DPP10: variants seen among roughly 807,000 people sequenced by gnomAD.
DPP10 encodes inactive dipeptidyl peptidase 10.
A neutral mutation model predicts 120.9 loss-of-function variants in DPP10; 33 were observed. That is an observed-to-expected ratio of 0.27 (90% CI 0.21 to 0.37). The LOEUF (loss-of-function observed/expected upper bound fraction) is 0.37, where lower values mean the gene tolerates loss of function less well. Among genes scored for constraint, DPP10 ranks in the 10% least tolerant of loss-of-function variants. DPP10 has a pLI of 1.00. For synonymous variants in DPP10, 337 were observed against 326.1 expected, an observed-to-expected ratio of 1.03 and a Z score of -0.36; for missense variants, 816 against 942.8, an observed-to-expected ratio of 0.87 and a Z score of 1.76.
At chr2:114,729,994 A>G (rs1676736117) in intron 1 of DPP10, among the ~76,000 whole-genome samples, 1 of 152,232 alleles carries the variant, frequency 6.6e-6, no homozygotes, top group Non-Finnish European at 1.5e-5. Context: ...ATCTTCAGAA[A>G]AATAACTTGT....
intron 7 of DPP10, among the ~76,000 whole-genome samples, chr2:115,707,625 A>G (rs2092170856): frequency 6.6e-6 from 1 of 151,902 alleles, no homozygotes. Context: ...TAATTTTAAA[A>G]ACAAAATAGA....
intron 1 of DPP10, among the ~76,000 whole-genome samples, chr2:115,155,064 T>TTA (rs200866777): frequency 0.025 from 3,673 of 148,918 alleles, 48 homozygotes; most frequent in African/African-American, 0.034. Context: ...GCTAATTTTA[T>TTA]TTATTTTTTT....
intron 1 of DPP10, among the ~76,000 whole-genome samples, chr2:115,302,902 G>A (rs2061204081): frequency 1.3e-5 from 2 of 152,162 alleles, no homozygotes; most frequent in East Asian, 1.9e-4. Flanking sequence ...TGGCATGAGA[G>A]CAATGAGCAA....
At chr2:115,055,275 C>A (rs894170023) in intron 1 of DPP10, among the ~76,000 whole-genome samples, 7 of 152,138 alleles carry the variant, frequency 4.6e-5, no homozygotes, top group Admixed American at 3.3e-4. Context: ...AAAGCTTGTC[C>A]TGGTTTTAAT....
At chr2:115,574,618 CATCT>C (rs1270508022) in intron 5 of DPP10, among the ~76,000 whole-genome samples, 1 of 152,226 alleles carries the variant, frequency 6.6e-6, no homozygotes, top group Non-Finnish European at 1.5e-5. Flanking sequence ...TAACTGAGCA[CATCT>C]CATTGTCTGT....
intron 1 of DPP10, among the ~76,000 whole-genome samples, chr2:114,686,269 G>GATA (rs1008832865): frequency 1.3e-5 from 2 of 151,770 alleles, no homozygotes; most frequent in Admixed American, 6.6e-5. Flanking sequence ...CTGTTTTTCA[G>GATA]ATAATAATAA....
intron 15 of DPP10, among the ~76,000 whole-genome samples, chr2:115,780,218 G>A (rs878921770): frequency 2.0e-5 from 3 of 151,790 alleles, no homozygotes; most frequent in African/African-American, 7.3e-5. Flanking sequence ...TTCAACTCCT[G>A]TAACCTTAAG....
chr2:114,489,342 C>T (rs1681782665), intron 1 of DPP10, among the ~76,000 whole-genome samples: 1 of 152,204 alleles, frequency 6.6e-6, no homozygotes, highest in South Asian at 2.1e-4. Flanking sequence ...GTCAAACAGC[C>T]CTGGCCCATG....
chr2:114,569,858 G>T (rs1689488133), intron 1 of DPP10, among the ~76,000 whole-genome samples: 1 of 152,060 alleles, frequency 6.6e-6, no homozygotes, highest in Non-Finnish European at 1.5e-5. Context: ...CAACCTATCA[G>T]CCATCTGTTA....
intron 1 of DPP10, among the ~76,000 whole-genome samples, chr2:114,687,046 G>C (rs1480770858): frequency 1.3e-5 from 2 of 151,900 alleles, no homozygotes; most frequent in Non-Finnish European, 2.9e-5. Flanking sequence ...ACAATGTTGA[G>C]AAAAACAAGA....
chr2:115,400,478 T>TAA (rs35721835), intron 3 of DPP10, among the ~76,000 whole-genome samples: 58,651 of 146,968 alleles, frequency 0.4, 13,893 homozygotes, highest in Non-Finnish European at 0.54. Context: ...TACCCATAAG[T>TAA]AAAAAAAAAA....
At chr2:115,326,023 A>G (rs944266373) in intron 2 of DPP10, among the ~76,000 whole-genome samples, 10 of 152,182 alleles carry the variant, frequency 6.6e-5, no homozygotes, top group African/African-American at 2.2e-4. Context: ...TCTGAATAAT[A>G]TTTTAATACT....
intron 1 of DPP10, among the ~76,000 whole-genome samples, chr2:114,899,358 C>T (rs1693340384): frequency 6.6e-6 from 1 of 151,960 alleles, no homozygotes; most frequent in African/African-American, 2.4e-5. Flanking sequence ...TAAAAATTAA[C>T]AGTTGGATAC....
chr2:115,008,520 A>G (rs1702026345), intron 1 of DPP10, among the ~76,000 whole-genome samples: 1 of 125,508 alleles, frequency 8.0e-6, no homozygotes, highest in South Asian at 2.6e-4. Context: ...AGGCATGGGC[A>G]AGGACTTCAT....
intron 1 of DPP10, among the ~76,000 whole-genome samples, chr2:114,862,910 A>C (rs1040851048): frequency 1.0e-5 from 1 of 100,004 alleles, no homozygotes; most frequent in Non-Finnish European, 2.0e-5. Flanking sequence ...AAAAAAAAAA[A>C]AAACCCCTCT....
intron 5 of DPP10, among the ~76,000 whole-genome samples, chr2:115,632,719 T>A (rs1209815729): frequency 1.3e-5 from 2 of 152,138 alleles, no homozygotes; most frequent in Non-Finnish European, 2.9e-5. Flanking sequence ...ATAAAAAACT[T>A]AAATAAATTT....
intron 1 of DPP10, among the ~76,000 whole-genome samples, chr2:115,109,396 C>T (rs182470562): frequency 2.6e-4 from 40 of 152,034 alleles, no homozygotes; most frequent in East Asian, 9.7e-4. Context: ...ATTAGCTGGG[C>T]GTGGTGGCGG....
At chr2:114,601,334 A>G (rs1335189769) in intron 1 of DPP10, among the ~76,000 whole-genome samples, 1 of 151,950 alleles carries the variant, frequency 6.6e-6, no homozygotes, top group East Asian at 1.9e-4. Flanking sequence ...AGATCTTCTC[A>G]CATATATCTA....
At chr2:114,544,861 T>TG (rs1264179550) in intron 1 of DPP10, among the ~76,000 whole-genome samples, 1 of 142,232 alleles carries the variant, frequency 7.0e-6, no homozygotes, top group African/African-American at 3.0e-5. Context: ...TATATTAAAT[T>TG]TTTTTTTTTG....
Sources: gnomAD v4.1 joint callset for allele counts (sites outside exome capture counted in the v4.1 genomes callset) on GRCh38, gnomAD v4.1.1 for gene constraint, MANE v1.5 for transcripts, NCBI Gene and HGNC (gene_info 2026-07-23, HGNC 2026-07-21) for gene names.